The following NBPF11 variants were observed in gnomAD, a reference collection of about 807,000 sequenced individuals.
The protein encoded by NBPF11 is NBPF family member NBPF11.
A neutral mutation model predicts 93.9 loss-of-function variants in NBPF11; 72 were observed. The ratio of observed to expected loss-of-function variants is 0.77; its 90% confidence interval spans 0.63 to 0.93. NBPF11 has a LOEUF of 0.93. NBPF11 is among the 40% of genes least tolerant of loss of function. The pLI, the probability that NBPF11 is intolerant of heterozygous loss-of-function variation, is 0.00. For synonymous variants in NBPF11, 224 were observed against 304.9 expected, an observed-to-expected ratio of 0.73 and a Z score of 2.76; for missense variants, 705 against 802.2, an observed-to-expected ratio of 0.88 and a Z score of 1.46.
In NBPF11 at chr1:148,108,537, T is replaced by C; in HGVS notation, c.1971A>G (p.Arg657=). 1 of 1,602,726 alleles carries C rather than the reference T, an allele frequency of 6.2e-7. No individual in the cohort carries two copies. The highest frequency in any genetic ancestry group is 1.1e-5 in the South Asian group (1 of 90,840). The part of the protein sequence containing the change: ...LGLTDSCQPY[R]SAFYVLEQQR... ...GTTGCTCCAATACGTAAAAGGCACTTCTGTAGGGCTGGCATGAGTCAGTCA... is the reference window on the plus strand; with the variant it reads ...GTTGCTCCAATACGTAAAAGGCACTCCTGTAGGGCTGGCATGAGTCAGTCA... The change falls in exon 18 of 24, where the codon AGA becomes AGG. Residue 657 remains arginine, a synonymous_variant. Transcript: ENST00000682118.
At chr1:148,150,191 A>C (rs1389464665) in intron 1 of NBPF11, among the ~76,000 whole-genome samples, 1 of 144,638 alleles carries the variant, frequency 6.9e-6, no homozygotes, top group Admixed American at 7.0e-5. Context: ...GCACTCTGCC[A>C]TCCAGGCCAG....
chr1:148,147,832 C>T (rs1164425682), intron 1 of NBPF11, among the ~76,000 whole-genome samples: 3 of 152,034 alleles, frequency 2.0e-5, no homozygotes, highest in Non-Finnish European at 4.4e-5. Context: ...GCTTCCTCGG[C>T]CCCTCCTGTC....
chr1:148,108,259 T>C (rs61811998), intron 18 of NBPF11, among the ~76,000 whole-genome samples: 10,232 of 136,328 alleles, frequency 0.075, 102 homozygotes, highest in East Asian at 0.18. Flanking sequence ...AGGATTAGGG[T>C]GCCACAGGCA....
At chr1:148,109,010 T>C (rs2149183954) in intron 17 of NBPF11, among the ~76,000 whole-genome samples, 1 of 151,358 alleles carries the variant, frequency 6.6e-6, no homozygotes, top group East Asian at 1.9e-4. Flanking sequence ...CCTCAATAAT[T>C]TTGCATAAAA....
At chr1:148,118,487 G>A in intron 11 of NBPF11, 133 bp downstream of exon 11, 1 of 757,690 alleles carries the variant, frequency 1.3e-6, no homozygotes, top group Non-Finnish European at 2.3e-6. Context: ...AAATATTTGT[G>A]TGTAGCAAAC....
At chr1:148,122,610 A>C in intron 8 of NBPF11, 119 bp downstream of exon 8, 1 of 1,442,770 alleles carries the variant, frequency 6.9e-7, no homozygotes, top group Admixed American at 1.7e-5. Context: ...GTTGAATTTC[A>C]CATACTGTGG....
At chr1:148,104,035 G>C in intron 23 of NBPF11, 123 bp from the exon 24 acceptor site, 1 of 1,594,174 alleles carries the variant, frequency 6.3e-7, no homozygotes, top group Non-Finnish European at 8.6e-7. Flanking sequence ...CCATTAATGA[G>C]GTAACAAATT....
chr1:148,136,441 C>T (rs1472379051), intron 3 of NBPF11, among the ~76,000 whole-genome samples: 1 of 151,254 alleles, frequency 6.6e-6, no homozygotes, highest in African/African-American at 2.5e-5. Flanking sequence ...AAGGAACAAA[C>T]TTTTGACACA....
At chr1:148,136,644 C>G (rs1387632584) in intron 3 of NBPF11, among the ~76,000 whole-genome samples, 1 of 151,964 alleles carries the variant, frequency 6.6e-6, no homozygotes, top group Non-Finnish European at 1.5e-5. Context: ...GGGATTTTGC[C>G]CAGCTCCATT....
chr1:148,108,256 G>T (rs868958305), intron 18 of NBPF11, among the ~76,000 whole-genome samples: 3 of 151,530 alleles, frequency 2.0e-5, no homozygotes, highest in Admixed American at 6.6e-5. Flanking sequence ...AGTAGGATTA[G>T]GGTGCCACAG....
intron 1 of NBPF11, chr1:148,146,857 G>C: frequency 6.2e-7 from 1 of 1,613,794 alleles, no homozygotes; most frequent in Non-Finnish European, 8.5e-7. Context: ...TGCCAGCTCG[G>C]GCAGGCCTTC....
intron 2 of NBPF11, among the ~76,000 whole-genome samples, chr1:148,138,390 G>A (rs1179053786): frequency 6.6e-6 from 1 of 151,610 alleles, no homozygotes; most frequent in East Asian, 1.9e-4. Flanking sequence ...CCCTTTACGG[G>A]TGTCGGGCTG....
chr1:148,126,471 AG>A (rs1285807997), intron 5 of NBPF11, among the ~76,000 whole-genome samples: 4 of 151,836 alleles, frequency 2.6e-5, no homozygotes, highest in Non-Finnish European at 5.9e-5. Context: ...ACTGAATAAA[AG>A]TTCACTAGTC....
intron 22 of NBPF11, 134 bp from the exon 23 acceptor site, chr1:148,104,779 A>T: frequency 1.9e-6 from 1 of 521,866 alleles, no homozygotes; most frequent in South Asian, 2.1e-5. Flanking sequence ...GATATATTTC[A>T]GGAGGCCTGA....
intron 1 of NBPF11, chr1:148,146,897 C>T (rs1673219611): frequency 3.7e-6 from 6 of 1,613,086 alleles, no homozygotes; most frequent in Admixed American, 1.7e-5. Flanking sequence ...GACATCGACG[C>T]CACCTGGCAG....
intron 1 of NBPF11, chr1:148,146,810 A>G: frequency 1.2e-6 from 2 of 1,613,180 alleles, no homozygotes; most frequent in Non-Finnish European, 8.5e-7. Context: ...TCCCGCCTCC[A>G]CTGCAACATC....
At chr1:148,124,503 C>T (rs1487900477) in intron 6 of NBPF11, among the ~76,000 whole-genome samples, 253 of 150,366 alleles carry the variant, frequency 1.7e-3, no homozygotes, top group African/African-American at 5.9e-3. Context: ...ATGACAGGGT[C>T]GAGAAGGCAA....
At chr1:148,106,358 T>C (rs1336173371) in intron 20 of NBPF11, 126 bp from the exon 21 acceptor site, 2 of 727,120 alleles carry the variant, frequency 2.8e-6, no homozygotes, top group Non-Finnish European at 5.0e-6. Flanking sequence ...ATGTGAGGGA[T>C]ATACTTCAGG....
rs1231562540 is a variant in NBPF11, at chr1:148,139,875, G to A, written c.-276-2066C>T. The stretch of plus-strand genomic sequence containing the variant: ...ATATTGACAGGTTACTAGAAGCTGA[G>A]GGTAGCCTGGCTAGAACATTAAAAA... On this transcript the variant is annotated intron_variant, in intron 2 of 23. Transcript: ENST00000682118. 2.6e-4 allele frequency among the ~76,000 whole-genome samples: 39 copies of A among 149,110 alleles called. 1 individual carries two copies. Among genetic ancestry groups the A allele is most frequent in the African/African-American group, 9.4e-4 (38 of 40,520 alleles).
Sources: gnomAD v4.1 joint callset for allele counts (sites outside exome capture counted in the v4.1 genomes callset) on GRCh38, gnomAD v4.1.1 for gene constraint, MANE v1.5 for transcripts, NCBI Gene and HGNC (gene_info 2026-07-23, HGNC 2026-07-21) for gene names.